Variants in CSMD3 observed in about 807,000 individuals in gnomAD.
CSMD3 encodes the protein CUB and Sushi multiple domains 3, also known as CUB and sushi domain-containing protein 3.
A neutral mutation model predicts 435.2 loss-of-function variants in CSMD3; 177 were observed. The observed-to-expected ratio is 0.41, with a 90% CI of 0.36 to 0.46. CSMD3 has a LOEUF of 0.46. CSMD3 is among the 20% of genes least tolerant of loss of function. The pLI, the probability that CSMD3 is intolerant of heterozygous loss-of-function variation, is 0.34. For missense variants in CSMD3, 4,265 were observed against 4,504.6 expected (o/e 0.95, Z 1.52); for synonymous variants, 1,656 against 1,520.5 (o/e 1.09, Z -2.07).
chr8:113,039,154 T>G (rs954657971), intron 5 of CSMD3, among the ~76,000 whole-genome samples: 2 of 152,118 alleles, frequency 1.3e-5, no homozygotes, highest in Admixed American at 6.5e-5. Flanking sequence ...TTTATTTGAA[T>G]GAGTAATGTT....
At chr8:113,232,615 T>C (rs888469197) in intron 3 of CSMD3, among the ~76,000 whole-genome samples, 12 of 151,800 alleles carry the variant, frequency 7.9e-5, no homozygotes, top group African/African-American at 2.9e-4. Flanking sequence ...GTAACTCTCA[T>C]GTGGTTAAAA....
intron 31 of CSMD3, among the ~76,000 whole-genome samples, chr8:112,474,542 T>C (rs62516482): frequency 0.014 from 2,062 of 152,224 alleles, 19 homozygotes; most frequent in Non-Finnish European, 0.021. Context: ...TGATTCCCAT[T>C]AGATATCAGT....
chr8:113,101,303 G>A (rs2090323344), intron 4 of CSMD3, among the ~76,000 whole-genome samples: 1 of 152,026 alleles, frequency 6.6e-6, no homozygotes, highest in Admixed American at 6.6e-5. Flanking sequence ...CTCTTGGACA[G>A]CATGTAAGAC....
chr8:112,894,494 AT>A (rs369768830), intron 10 of CSMD3, among the ~76,000 whole-genome samples: 211 of 151,510 alleles, frequency 1.4e-3, no homozygotes, highest in African/African-American at 4.8e-3. Flanking sequence ...ATTGCTGGAG[AT>A]TTGAGACTAA....
At chr8:113,305,941 G>A (rs556637374) in intron 2 of CSMD3, among the ~76,000 whole-genome samples, 2 of 152,080 alleles carry the variant, frequency 1.3e-5, no homozygotes, top group Admixed American at 1.3e-4. Flanking sequence ...ACAATATAAT[G>A]GTATTTTCAA....
At chr8:113,210,295 T>A (rs1563550290) in intron 3 of CSMD3, among the ~76,000 whole-genome samples, 1 of 152,098 alleles carries the variant, frequency 6.6e-6, no homozygotes, top group Non-Finnish European at 1.5e-5. Context: ...AGCACTGGAA[T>A]ATCATAATTT....
intron 10 of CSMD3, among the ~76,000 whole-genome samples, chr8:112,896,203 C>T (rs573696207): frequency 7.7e-4 from 116 of 151,460 alleles, no homozygotes; most frequent in Non-Finnish European, 1.3e-3. Flanking sequence ...AAGTCTAACA[C>T]CTACATAGAA....
At chr8:112,608,271 A>G (rs1832953545) in intron 22 of CSMD3, among the ~76,000 whole-genome samples, 1 of 152,148 alleles carries the variant, frequency 6.6e-6, no homozygotes, top group African/African-American at 2.4e-5. Context: ...TACACTGAAA[A>G]CAATAAAACA....
chr8:113,393,708 A>G (rs572181782), intron 1 of CSMD3, among the ~76,000 whole-genome samples: 1 of 152,260 alleles, frequency 6.6e-6, no homozygotes, highest in South Asian at 2.1e-4. Context: ...ATACATTATA[A>G]CAGATAACAA....
intron 28 of CSMD3, 67 bp downstream of exon 28, chr8:112,516,967 G>A: frequency 8.0e-7 from 1 of 1,249,034 alleles, no homozygotes; most frequent in Non-Finnish European, 1.2e-6. Flanking sequence ...TGGTTCTTAA[G>A]AACAATACCA....
chr8:112,859,557 A>G (rs2080764708), intron 10 of CSMD3, among the ~76,000 whole-genome samples: 1 of 151,798 alleles, frequency 6.6e-6, no homozygotes, highest in South Asian at 2.1e-4. Flanking sequence ...AGAGAAAGGT[A>G]TATGTACCCA....
chr8:112,473,076 G>T (rs955573147), intron 31 of CSMD3, among the ~76,000 whole-genome samples: 2 of 152,112 alleles, frequency 1.3e-5, no homozygotes, highest in Non-Finnish European at 2.9e-5. Context: ...GCAGGCTTTG[G>T]AATTCTACTC....
intron 35 of CSMD3, among the ~76,000 whole-genome samples, chr8:112,397,027 C>G (rs574826327): frequency 4.1e-4 from 63 of 152,224 alleles, no homozygotes; most frequent in Non-Finnish European, 8.2e-4. Flanking sequence ...AAAGAGAACA[C>G]TTTGATATTA....
chr8:113,126,627 T>C (rs2091139658), intron 4 of CSMD3, among the ~76,000 whole-genome samples: 1 of 151,792 alleles, frequency 6.6e-6, no homozygotes, highest in Non-Finnish European at 1.5e-5. Flanking sequence ...GGAAATAGTA[T>C]CGTAGATTGG....
At chr8:113,096,191 T>G (rs1304166302) in intron 5 of CSMD3, among the ~76,000 whole-genome samples, 1 of 152,130 alleles carries the variant, frequency 6.6e-6, no homozygotes, top group Non-Finnish European at 1.5e-5. Context: ...AACTACAGAT[T>G]TATTAGCCAT....
At chr8:112,868,261 C>T (rs1256892036) in intron 10 of CSMD3, among the ~76,000 whole-genome samples, 2 of 152,074 alleles carry the variant, frequency 1.3e-5, no homozygotes, top group African/African-American at 4.8e-5. Flanking sequence ...TAGAATACCT[C>T]TTGAAAGACC....
intron 22 of CSMD3, among the ~76,000 whole-genome samples, chr8:112,593,613 C>T (rs1426036647): frequency 2.0e-5 from 3 of 152,090 alleles, no homozygotes; most frequent in African/African-American, 7.2e-5. Flanking sequence ...CCAGAGAATA[C>T]ACACATATAT....
At chr8:112,480,290 G>A (rs1204958700) in intron 31 of CSMD3, among the ~76,000 whole-genome samples, 1 of 152,180 alleles carries the variant, frequency 6.6e-6, no homozygotes, top group Non-Finnish European at 1.5e-5. Flanking sequence ...TTTATAGGCT[G>A]ATGGGTGGAA....
intron 7 of CSMD3, among the ~76,000 whole-genome samples, chr8:112,966,224 T>C (rs1472360662): frequency 2.0e-5 from 3 of 151,806 alleles, no homozygotes; most frequent in Middle Eastern, 3.4e-3. Flanking sequence ...GAATTATACA[T>C]AACCAGATAA....
Sources: allele counts gnomAD v4.1 joint callset (sites outside exome capture counted in the v4.1 genomes callset), GRCh38; gene constraint gnomAD v4.1.1; transcripts MANE v1.5; gene names NCBI Gene and HGNC (gene_info 2026-07-23, HGNC 2026-07-21).